The following ANKRD6 variants were observed in gnomAD, a reference collection of about 807,000 sequenced individuals.
The protein encoded by ANKRD6 is ankyrin repeat domain 6, also known as ankyrin repeat domain-containing protein 6.
Under a neutral mutation model 82.3 loss-of-function variants are expected in ANKRD6, and 56 were observed. The observed-to-expected ratio is 0.68, with a 90% confidence interval of 0.55 to 0.85. The LOEUF (loss-of-function observed/expected upper bound fraction) is 0.85. ANKRD6 is among the 40% of genes least tolerant of loss of function. ANKRD6 has a pLI of 0.00. For synonymous variants in ANKRD6, 347 were observed against 352.1 expected (o/e 0.99, Z 0.16); for missense variants, 852 against 907.6 (o/e 0.94, Z 0.79).
intron 1 of ANKRD6, among the ~76,000 whole-genome samples, chr6:89,500,504 T>C (rs1779147352): frequency 6.6e-6 from 1 of 152,228 alleles, no homozygotes; most frequent in African/African-American, 2.4e-5. Context: ...ATATATTTTT[T>C]AATAAAGCAA....
At chr6:89,508,933 A>C (rs1342320758) in intron 1 of ANKRD6, 1 of 152,364 alleles carries the variant, frequency 6.6e-6, no homozygotes, top group Non-Finnish European at 1.5e-5. Flanking sequence ...TGCAGTACCC[A>C]CCTGGGCCAA....
chr6:89,525,323 C>T (rs1782361544), intron 1 of ANKRD6, among the ~76,000 whole-genome samples: 1 of 151,438 alleles, frequency 6.6e-6, no homozygotes, highest in African/African-American at 2.4e-5. Flanking sequence ...GTGCCTGTGC[C>T]CAGGCTCCCT....
intron 1 of ANKRD6, among the ~76,000 whole-genome samples, chr6:89,441,819 A>G (rs547784659): frequency 2.0e-5 from 3 of 150,540 alleles, no homozygotes; most frequent in East Asian, 2.0e-4. Flanking sequence ...TTTAGTAGAG[A>G]TGGGGTTTCA....
chr6:89,442,735 T>C (rs1771578199), intron 1 of ANKRD6, among the ~76,000 whole-genome samples: 1 of 152,120 alleles, frequency 6.6e-6, no homozygotes, highest in African/African-American at 2.4e-5. Context: ...GCAAAAGTTA[T>C]TATCTAAAGA....
intron 2 of ANKRD6, among the ~76,000 whole-genome samples, chr6:89,567,885 C>T (rs576909406): frequency 2.6e-5 from 4 of 152,270 alleles, no homozygotes; most frequent in Admixed American, 6.5e-5. Flanking sequence ...AGTCTGGCTC[C>T]GAAGCCCAAC....
chr6:89,459,494 G>A (rs987791556), intron 1 of ANKRD6, among the ~76,000 whole-genome samples: 3 of 152,074 alleles, frequency 2.0e-5, no homozygotes, highest in African/African-American at 7.2e-5. Flanking sequence ...GTCCATTCTT[G>A]GTTCAGTCCT....
chr6:89,623,015 T>TGGGG (rs1272649644), intron 10 of ANKRD6, among the ~76,000 whole-genome samples: 1 of 2,858 alleles, frequency 3.5e-4, no homozygotes, highest in Non-Finnish European at 8.5e-4. Flanking sequence ...GGTGGGGGAG[T>TGGGG]GGGGGGTGGG....
chr6:89,596,104 G>A, intron 3 of ANKRD6, 90 bp downstream of exon 3: 1 of 1,090,448 alleles, frequency 9.2e-7, no homozygotes, highest in African/African-American at 1.6e-5. Context: ...GAGATGGGAG[G>A]GTAGTAGATG....
At chr6:89,615,294 C>G (rs1336685784) in intron 7 of ANKRD6, among the ~76,000 whole-genome samples, 1 of 152,142 alleles carries the variant, frequency 6.6e-6, no homozygotes, top group Non-Finnish European at 1.5e-5. Flanking sequence ...TTGAAAGAGT[C>G]AGAACCTCTG....
At chr6:89,453,718 T>C (rs544382208) in intron 1 of ANKRD6, among the ~76,000 whole-genome samples, 14 of 152,086 alleles carry the variant, frequency 9.2e-5, no homozygotes, top group South Asian at 2.1e-4. Flanking sequence ...TAGCTGAGAC[T>C]ACAGGTGCAC....
intron 1 of ANKRD6, among the ~76,000 whole-genome samples, chr6:89,438,145 C>A (rs1770882927): frequency 6.6e-6 from 1 of 152,200 alleles, no homozygotes; most frequent in African/African-American, 2.4e-5. Flanking sequence ...TTGAGTCTTT[C>A]ACCGATACAG....
chr6:89,602,080 C>G (rs1438162790), intron 3 of ANKRD6: 2 of 152,246 alleles, frequency 1.3e-5, no homozygotes, highest in Non-Finnish European at 2.9e-5. Context: ...TCTAGCAAGC[C>G]ATGCACAGCC....
chr6:89,597,401 G>A (rs1390715215), intron 3 of ANKRD6, among the ~76,000 whole-genome samples: 1 of 152,220 alleles, frequency 6.6e-6, no homozygotes, highest in Non-Finnish European at 1.5e-5. Flanking sequence ...TATTACTGGT[G>A]CAAACATGTT....
chr6:89,616,542 C>T lies in ANKRD6; in HGVS notation c.616-17C>T, dbSNP rs774937886. ...CATGAGCAGATGAGGTTTAGCAGAC[C>T]TTCTAATCAATTCCAGGCTGGAGAC... On this transcript the variant is annotated splice_polypyrimidine_tract_variant and intron_variant, in intron 7 of 15. Transcript: ENST00000339746. 12 of 1,613,492 alleles carry T rather than the reference C, an allele frequency of 7.4e-6. No individual in the cohort carries two copies. Among genetic ancestry groups the T allele is most frequent in the South Asian group, 6.6e-5 (6 of 91,058 alleles).
intron 1 of ANKRD6, among the ~76,000 whole-genome samples, chr6:89,444,518 G>T (rs930573038): frequency 6.6e-6 from 1 of 152,124 alleles, no homozygotes; most frequent in African/African-American, 2.4e-5. Flanking sequence ...AAATCTAAAA[G>T]TTGCATTGGG....
At chr6:89,438,787 C>T (rs1471740497) in intron 1 of ANKRD6, among the ~76,000 whole-genome samples, 1 of 152,120 alleles carries the variant, frequency 6.6e-6, no homozygotes, top group Non-Finnish European at 1.5e-5. Flanking sequence ...GGATTACAGG[C>T]AGCCACCACT....
intron 1 of ANKRD6, among the ~76,000 whole-genome samples, chr6:89,489,400 T>C (rs1345539611): frequency 1.3e-5 from 2 of 152,134 alleles, no homozygotes; most frequent in South Asian, 2.1e-4. Context: ...CAGATTGATA[T>C]ATCTGTAGCC....
chr6:89,623,788 A>G lies in ANKRD6; in HGVS notation c.1033-84A>G. 4.2e-6 allele frequency: 6 copies of G among 1,440,524 alleles called. No homozygotes were observed. The South Asian group carries it at 5.5e-5, about 13-fold the overall frequency. The allele number at this position is 1,440,524 out of a possible 1,614,324, so 89.2% of individuals were successfully genotyped here. A position where few individuals can be genotyped will look rare whatever the true frequency, so the allele number is the denominator to read the frequency against. ...AAACAAAGTGGGGCTCTTTGCCCAA[A>G]TGGGGTGACATGGGCGCCACCGACT... is the stretch of plus-strand genomic sequence containing the variant. On this transcript the variant is annotated intron_variant, in intron 11 of 15. Transcript: ENST00000339746.
At chr6:89,437,044 G>T (rs73752759) in intron 1 of ANKRD6, among the ~76,000 whole-genome samples, 2,553 of 152,200 alleles carry the variant, frequency 0.017, 79 homozygotes, top group African/African-American at 0.058. Context: ...AATACTCTAA[G>T]ATCTCCCAAA....
Sources: gnomAD v4.1 joint callset for allele counts (sites outside exome capture counted in the v4.1 genomes callset) on GRCh38, gnomAD v4.1.1 for gene constraint, MANE v1.5 for transcripts, NCBI Gene and HGNC (gene_info 2026-07-23, HGNC 2026-07-21) for gene names.